MCTP2: variants seen among roughly 807,000 people sequenced by gnomAD.
MCTP2 encodes the protein multiple C2 and transmembrane domain-containing protein 2.
A neutral mutation model predicts 111.6 loss-of-function variants in MCTP2; 132 were observed. The observed-to-expected ratio is 1.18, with a 90% CI of 1.03 to 1.37. MCTP2 has a LOEUF of 1.37. MCTP2 is among the 40% of genes most tolerant of loss of function. MCTP2 has a pLI of 0.00. For missense variants in MCTP2, 1,183 were observed against 1,067.9 expected, an observed-to-expected ratio of 1.11 and a Z score of -1.50; for synonymous variants, 395 against 387.7, an observed-to-expected ratio of 1.02 and a Z score of -0.22.
At chr15:94,461,025 T>A (rs3784640) in intron 20 of MCTP2, among the ~76,000 whole-genome samples, 1 of 151,560 alleles carries the variant, frequency 6.6e-6, no homozygotes. Context: ...ACTGATGGGT[T>A]GGGGGGGACC....
intron 7 of MCTP2, among the ~76,000 whole-genome samples, chr15:94,344,473 T>C (rs2077851859): frequency 1.3e-5 from 2 of 151,880 alleles, no homozygotes; most frequent in African/African-American, 2.4e-5. Context: ...GTGACAGGAG[T>C]GATGAGAGGG....
chr15:94,341,862 T>G (rs932463662), intron 7 of MCTP2: 2 of 152,242 alleles, frequency 1.3e-5, no homozygotes, highest in Non-Finnish European at 2.9e-5. Context: ...ATAAAAGAGA[T>G]ATTTTAATGT....
chr15:94,288,015 G>T (rs1197056714), intron 1 of MCTP2, among the ~76,000 whole-genome samples: 1 of 152,208 alleles, frequency 6.6e-6, no homozygotes, highest in Non-Finnish European at 1.5e-5. Flanking sequence ...TGTGGTGGAG[G>T]CAGTGGCAGC....
At chr15:94,406,858 G>T (rs796848249) in intron 17 of MCTP2, among the ~76,000 whole-genome samples, 4,288 of 132,082 alleles carry the variant, frequency 0.032, 222 homozygotes, top group African/African-American at 0.11. Context: ...CTTTTCAGTT[G>T]TTTTTTTTTT....
At chr15:94,462,760 C>T (rs1270848686) in intron 20 of MCTP2, among the ~76,000 whole-genome samples, 5 of 152,182 alleles carry the variant, frequency 3.3e-5, no homozygotes, top group Non-Finnish European at 7.3e-5. Context: ...ACTTATTTAA[C>T]TTTTAGGACT....
rs148012682 is a variant in MCTP2 at position 94,377,439 on chromosome 15, A to G, written c.1583-6583A>G. Among the ~76,000 whole-genome samples, 374 of 152,292 alleles carry G rather than the reference A, an allele frequency of 2.5e-3. 3 individuals are homozygous for G. The highest frequency in any genetic ancestry group is 8.5e-3 in the African/African-American group (354 of 41,566). On this transcript the variant is annotated intron_variant, in intron 12 of 22. Transcript: ENST00000357742. ...CTGCTTCAACTGCCTTCCAGAGAAC[A>G]TGGACTGTAGCCATTGCAAAGTTTG...
chr15:94,383,212 A>T (rs1567583179), intron 12 of MCTP2, among the ~76,000 whole-genome samples: 1 of 152,222 alleles, frequency 6.6e-6, no homozygotes. Context: ...CTTAACTCCT[A>T]AAGAGCCATT....
chr15:94,332,743 T>C (rs2077185831), intron 4 of MCTP2, among the ~76,000 whole-genome samples: 1 of 152,178 alleles, frequency 6.6e-6, no homozygotes, highest in South Asian at 2.1e-4. Context: ...CTAAATTTTA[T>C]AACTTGGCAA....
At chr15:94,294,941 C>CTTTTTT (rs71133001) in intron 1 of MCTP2, among the ~76,000 whole-genome samples, 2 of 73,988 alleles carry the variant, frequency 2.7e-5, no homozygotes, top group Non-Finnish European at 4.8e-5. Flanking sequence ...TTTTCTTTTC[C>CTTTTTT]TTTTTTTTTT....
chr15:94,452,077 G>T (rs1567735606), intron 19 of MCTP2, among the ~76,000 whole-genome samples: 2 of 152,124 alleles, frequency 1.3e-5, no homozygotes, highest in African/African-American at 4.8e-5. Context: ...CAAGCTAGTA[G>T]ATGTCAGGAC....
chr15:94,285,509 A>G lies in MCTP2; in HGVS notation c.-65-12692A>G, dbSNP rs548666287. Among the ~76,000 whole-genome samples, 22 of 116,868 alleles carry G rather than the reference A, an allele frequency of 1.9e-4. No homozygotes were observed. The East Asian group carries it at 6.7e-3, about 35-fold the overall frequency. 76.7% of individuals were successfully genotyped at this position (116,868 alleles called of 152,430 possible). A position where few individuals can be genotyped will look rare whatever the true frequency, so the allele number is the denominator to read the frequency against. ...ACTAGCTAATTATGCTTTGCTTCAC[A>G]ATTTATTTTTTTTTGTTGAATGGTA... On this transcript the variant is annotated intron_variant, in intron 1 of 22. Coordinates refer to ENST00000357742, the MANE Select transcript of MCTP2 (RefSeq NM_001385001.1).
At chr15:94,413,652 C>A (rs186570130) in intron 17 of MCTP2, among the ~76,000 whole-genome samples, 63 of 151,886 alleles carry the variant, frequency 4.1e-4, no homozygotes, top group African/African-American at 1.4e-3. Flanking sequence ...GAGGCCATTT[C>A]CTCCCTTAGT....
At chr15:94,473,540 G>C (rs1016025235) in intron 21 of MCTP2, among the ~76,000 whole-genome samples, 4 of 152,200 alleles carry the variant, frequency 2.6e-5, no homozygotes, top group Non-Finnish European at 4.4e-5. Context: ...CTTAGGATTA[G>C]ATCCCATGTG....
intron 14 of MCTP2, among the ~76,000 whole-genome samples, chr15:94,394,542 G>T (rs2081180986): frequency 6.6e-6 from 1 of 152,044 alleles, no homozygotes; most frequent in African/African-American, 2.4e-5. Context: ...GAGGCGGGTG[G>T]ATCACGAGGT....
intron 4 of MCTP2, among the ~76,000 whole-genome samples, chr15:94,316,689 A>G (rs1225256333): frequency 2.6e-5 from 4 of 152,044 alleles, no homozygotes; most frequent in African/African-American, 9.7e-5. Context: ...TTTTTCTCCC[A>G]GTCTGTTGCT....
At chr15:94,379,759 A>G (rs1255720544) in intron 12 of MCTP2, among the ~76,000 whole-genome samples, 1 of 145,500 alleles carries the variant, frequency 6.9e-6, no homozygotes, top group Non-Finnish European at 1.5e-5. Context: ...TATAATATAT[A>G]TAATATATGA....
chr15:94,301,570 C>G (rs2075613692), intron 2 of MCTP2, among the ~76,000 whole-genome samples: 1 of 152,202 alleles, frequency 6.6e-6, no homozygotes, highest in African/African-American at 2.4e-5. Flanking sequence ...AGCTTCATGC[C>G]TTGCGCATAG....
At chr15:94,245,502 A>G (rs182656459) in intron 1 of MCTP2, among the ~76,000 whole-genome samples, 2 of 140,718 alleles carry the variant, frequency 1.4e-5, no homozygotes, top group Non-Finnish European at 3.0e-5. Context: ...ATGTATTTAT[A>G]TATGTATACA....
At chr15:94,437,653 GT>G (rs1481712106) in intron 17 of MCTP2, among the ~76,000 whole-genome samples, 3 of 152,044 alleles carry the variant, frequency 2.0e-5, no homozygotes, top group African/African-American at 7.2e-5. Context: ...ACGTGGAAGA[GT>G]AAAGGGTGAA....
Sources: gnomAD v4.1 joint callset for allele counts (sites outside exome capture counted in the v4.1 genomes callset) on GRCh38, gnomAD v4.1.1 for gene constraint, MANE v1.5 for transcripts, NCBI Gene and HGNC (gene_info 2026-07-23, HGNC 2026-07-21) for gene names.